Variants in PCDH19 observed in about 807,000 individuals in gnomAD.
The protein encoded by PCDH19 is protocadherin-19.
A neutral mutation model predicts 46.2 loss-of-function variants in PCDH19; 6 were observed. That is an observed-to-expected ratio of 0.13 (90% CI 0.07 to 0.26). PCDH19 has a LOEUF of 0.26. Among genes scored for constraint, PCDH19 ranks in the 10% least tolerant of loss-of-function variants. PCDH19 has a pLI of 1.00. For synonymous variants in PCDH19, 481 were observed against 415.7 expected (o/e 1.16, Z -1.91); for missense variants, 740 against 972.3 (o/e 0.76, Z 3.18).
At chrX:100,358,939 C>A (rs1022766771) in intron 3 of PCDH19, among the ~76,000 whole-genome samples, 8 of 112,218 alleles carry the variant, frequency 7.1e-5, no homozygotes, top group African/African-American at 9.7e-5. Context: ...GGAACAAATT[C>A]TGGAGTCCAA....
Position 100,410,177 on chromosome X carries a change from G to A in PCDH19, c.-1580C>T. 1 of 297,111 alleles carries A rather than the reference G, an allele frequency of 3.4e-6. No homozygotes were observed. Among genetic ancestry groups the A allele is most frequent in the Non-Finnish European group, 5.9e-6 (1 of 170,131 alleles). The allele number at this position is 297,111 out of a possible 1,213,427, so 24.5% of individuals were successfully genotyped here. A position where few individuals can be genotyped will look rare whatever the true frequency, so the allele number is the denominator to read the frequency against. On this transcript the variant is annotated 5_prime_UTR_variant, in exon 1 of 6. Transcript: ENST00000373034. ...CGGGCAAGCCAGGCATGGTGCACGGGAGCTGTGCTGCCGTCTGTGCCCGCT... is the reference window on the plus strand; with the variant it reads ...CGGGCAAGCCAGGCATGGTGCACGGAAGCTGTGCTGCCGTCTGTGCCCGCT...
At chrX:100,328,182 A>T (rs1377721348) in intron 5 of PCDH19, among the ~76,000 whole-genome samples, 1 of 112,057 alleles carries the variant, frequency 8.9e-6, no homozygotes, top group Non-Finnish European at 1.9e-5. Context: ...ATGCTAGGTA[A>T]TTTTTTATTT....
chrX:100,380,212 G>T (rs1927511530), intron 3 of PCDH19, among the ~76,000 whole-genome samples: 1 of 110,807 alleles, frequency 9.0e-6, no homozygotes, highest in Non-Finnish European at 1.9e-5. Flanking sequence ...GTGGGAAATG[G>T]TTCCCTGAGA....
At chrX:100,375,878 T>A (rs1356465633) in intron 3 of PCDH19, among the ~76,000 whole-genome samples, 2 of 112,068 alleles carry the variant, frequency 1.8e-5, no homozygotes, top group East Asian at 2.8e-4. Context: ...AAAAATGAGT[T>A]CTAAATGTTG....
At chrX:100,361,253 A>AT (rs1926872039) in intron 3 of PCDH19, among the ~76,000 whole-genome samples, 1 of 112,426 alleles carries the variant, frequency 8.9e-6, no homozygotes, top group African/African-American at 3.2e-5. Flanking sequence ...TGCCTATTAT[A>AT]AAAAGGGTTC....
intron 3 of PCDH19, among the ~76,000 whole-genome samples, chrX:100,367,037 G>T (rs1927084839): frequency 1.8e-5 from 2 of 112,128 alleles, no homozygotes; most frequent in Non-Finnish European, 3.8e-5. Context: ...TAATGAAAAG[G>T]GATAGATGGA....
At chrX:100,393,497 TACACACACACAC>T (rs57070852) in intron 3 of PCDH19, among the ~76,000 whole-genome samples, 3 of 90,055 alleles carry the variant, frequency 3.3e-5, no homozygotes, top group Non-Finnish European at 4.4e-5. Context: ...CATACATACA[TACACACACACAC>T]ACACACACAC....
chrX:100,337,884 C>T, intron 5 of PCDH19, among the ~76,000 whole-genome samples: 1 of 112,086 alleles, frequency 8.9e-6, no homozygotes, highest in Admixed American at 9.4e-5. Flanking sequence ...ATAACATATA[C>T]ATGTATTGAA....
At chrX:100,325,125 CTAGATAGATAGATAGA>C (rs58882829) in intron 5 of PCDH19, among the ~76,000 whole-genome samples, 140 of 91,460 alleles carry the variant, frequency 1.5e-3, no homozygotes, top group Admixed American at 2.8e-3. Flanking sequence ...AGAAAAAATA[CTAGATAGATAGATAGA>C]TAGATAGATA....
At chrX:100,303,090 A>T (rs982672873) in intron 5 of PCDH19, among the ~76,000 whole-genome samples, 1 of 111,492 alleles carries the variant, frequency 9.0e-6, no homozygotes. Flanking sequence ...GGTTTCCTGC[A>T]CACTATATAC....
intron 5 of PCDH19, among the ~76,000 whole-genome samples, chrX:100,333,080 G>A (rs1292131845): frequency 1.1e-5 from 1 of 95,202 alleles, no homozygotes; most frequent in African/African-American, 3.9e-5. Flanking sequence ...GAGAGAGAAA[G>A]AGAAAAAAGG....
chrX:100,406,717 G>C lies in PCDH19; in HGVS notation c.1881C>G (p.Thr627=). The change falls in exon 1 of 6, where the codon ACC becomes ACG. Residue 627 remains threonine (T), a synonymous_variant. Coordinates refer to ENST00000373034, the MANE Select transcript of PCDH19 (RefSeq NM_001184880.2). ...ACTTGGAGCTCTCCCCGAAGGTGCG[G>C]GTGGTTCTGACTTCGCCATTGACCT... is the stretch of plus-strand genomic sequence containing the variant. The part of the protein sequence containing the change: ...IDQVNGEVRT[T]RTFGESSKSS... 8.3e-7 allele frequency: 1 copy of C among 1,211,859 alleles called. No homozygotes were observed. The highest frequency in any genetic ancestry group is 1.7e-5 in the African/African-American group (1 of 57,787).
At chrX:100,306,466 A>C (rs908081837) in intron 5 of PCDH19, among the ~76,000 whole-genome samples, 1 of 111,707 alleles carries the variant, frequency 9.0e-6, no homozygotes, top group Non-Finnish European at 1.9e-5. Flanking sequence ...AAAGTCTGAA[A>C]AGGCAAAAAT....
chrX:100,344,930 G>C (rs1490183997), intron 4 of PCDH19, among the ~76,000 whole-genome samples: 3 of 108,558 alleles, frequency 2.8e-5, no homozygotes, highest in African/African-American at 1.0e-4. Flanking sequence ...CCACAGTTGA[G>C]AACAACTGCT....
chrX:100,399,795 G>A (rs1251864511), intron 3 of PCDH19, among the ~76,000 whole-genome samples: 1 of 111,764 alleles, frequency 8.9e-6, no homozygotes, highest in Non-Finnish European at 1.9e-5. Context: ...ATGACCAGCT[G>A]TACACACCAA....
intron 4 of PCDH19, among the ~76,000 whole-genome samples, chrX:100,343,817 G>A (rs951459594): frequency 2.7e-5 from 3 of 111,912 alleles, no homozygotes; most frequent in South Asian, 3.8e-4. Context: ...CTATGCCTCT[G>A]AGAAAAGAGC....
At chrX:100,299,174 C>G (rs1013539300) in intron 5 of PCDH19, among the ~76,000 whole-genome samples, 6 of 111,264 alleles carry the variant, frequency 5.4e-5, no homozygotes, top group Non-Finnish European at 7.5e-5. Flanking sequence ...ACCTGAAAGG[C>G]ATAAAAGCAT....
At chrX:100,306,637 G>GA (rs1057117382) in intron 5 of PCDH19, among the ~76,000 whole-genome samples, 2 of 110,090 alleles carry the variant, frequency 1.8e-5, no homozygotes, top group East Asian at 2.8e-4. Context: ...CTGGTTCTTT[G>GA]AAAAAAATGA....
rs1484946790 is a variant in PCDH19, at chrX:100,294,283, T to C, written c.*1994A>G. 1 of 112,255 alleles carries C rather than the reference T, an allele frequency of 8.9e-6. No homozygotes were observed. The highest frequency in any genetic ancestry group is 3.2e-5 in the African/African-American group (1 of 30,787). 9.3% of individuals were successfully genotyped at this position (112,255 alleles called of 1,213,427 possible). A position where few individuals can be genotyped will look rare whatever the true frequency, so the allele number is the denominator to read the frequency against. On this transcript the variant is annotated 3_prime_UTR_variant, in exon 6 of 6. Coordinates refer to ENST00000373034, the MANE Select transcript of PCDH19 (RefSeq NM_001184880.2). Reference sequence around the variant, plus strand: ...AGATGTTATGGTAATTCATCCTTAATTGTGTCAGCTTCAGAGGGAAATTTG... The same window carrying C: ...AGATGTTATGGTAATTCATCCTTAACTGTGTCAGCTTCAGAGGGAAATTTG...
Sources: allele counts gnomAD v4.1 joint callset (sites outside exome capture counted in the v4.1 genomes callset), GRCh38; gene constraint gnomAD v4.1.1; transcripts MANE v1.5; gene names NCBI Gene and HGNC (gene_info 2026-07-23, HGNC 2026-07-21).